Variants in PIGU observed in about 807,000 individuals in gnomAD.
The protein encoded by PIGU is phosphatidylinositol glycan anchor biosynthesis class U.
A neutral mutation model predicts 49.9 loss-of-function variants in PIGU; 24 were observed. The ratio of observed to expected loss-of-function variants is 0.48; its 90% CI spans 0.35 to 0.68. The LOEUF (loss-of-function observed/expected upper bound fraction) is 0.68. Ranked by LOEUF, PIGU falls within the 30% of genes least tolerant of loss-of-function variation. The pLI, the probability that PIGU is intolerant of heterozygous loss-of-function variation, is 0.01. For missense variants in PIGU, 490 were observed against 532.6 expected, an observed-to-expected ratio of 0.92 and a Z score of 0.79; for synonymous variants, 220 against 205.7, an observed-to-expected ratio of 1.07 and a Z score of -0.59.
chr20:34,588,618 G>A lies in PIGU; in HGVS notation c.628-11C>T, dbSNP rs1208670028. ...AGGTATGTACTGCCGCTGGAGAGAAGGCAAAGTGATATAAACTTAGGGATG... is the reference window on the plus strand; with the variant it reads ...AGGTATGTACTGCCGCTGGAGAGAAAGCAAAGTGATATAAACTTAGGGATG... On this transcript the variant is annotated splice_polypyrimidine_tract_variant and intron_variant, in intron 7 of 11. Coordinates refer to ENST00000217446, the MANE Select transcript of PIGU (RefSeq NM_080476.5). 2 of 1,609,112 alleles carry A rather than the reference G, an allele frequency of 1.2e-6. No homozygotes were observed. The highest frequency in any genetic ancestry group is 1.7e-5 in the Admixed American group (1 of 59,300).
At chr20:34,603,861 G>C (rs114523773) in intron 7 of PIGU, among the ~76,000 whole-genome samples, 16 of 143,806 alleles carry the variant, frequency 1.1e-4, no homozygotes, top group Admixed American at 1.4e-4. Context: ...TTAGTGGACA[G>C]ACACACACAC....
At chr20:34,639,379 C>T (rs1019984891) in intron 4 of PIGU, among the ~76,000 whole-genome samples, 5 of 151,824 alleles carry the variant, frequency 3.3e-5, no homozygotes, top group Admixed American at 1.3e-4. Flanking sequence ...CCAGCCTGGG[C>T]GACAGAGCAA....
At chr20:34,625,227 A>G (rs1328292665) in intron 6 of PIGU, among the ~76,000 whole-genome samples, 3 of 151,782 alleles carry the variant, frequency 2.0e-5, no homozygotes, top group South Asian at 4.2e-4. Flanking sequence ...CAAAATTCGG[A>G]TGTGGTGGCG....
chr20:34,634,349 G>C (rs1177441151), intron 6 of PIGU, among the ~76,000 whole-genome samples: 2 of 152,052 alleles, frequency 1.3e-5, no homozygotes, highest in African/African-American at 2.4e-5. Flanking sequence ...TGAGATTACA[G>C]GTATGAGCCA....
intron 7 of PIGU, among the ~76,000 whole-genome samples, chr20:34,603,514 T>A (rs1033230737): frequency 1.3e-5 from 2 of 152,190 alleles, no homozygotes; most frequent in Non-Finnish European, 2.9e-5. Flanking sequence ...TTTAGTAACA[T>A]TATGAGTGCC....
chr20:34,644,051 T>A, intron 4 of PIGU, 113 bp downstream of exon 4: 1 of 972,302 alleles, frequency 1.0e-6, no homozygotes, highest in Non-Finnish European at 1.6e-6. Context: ...AGTTTCACCA[T>A]CACTTCCTAG....
chr20:34,591,807 A>G (rs1327636892), intron 7 of PIGU, among the ~76,000 whole-genome samples: 1 of 152,232 alleles, frequency 6.6e-6, no homozygotes, highest in African/African-American at 2.4e-5. Flanking sequence ...TAGGAGTCAA[A>G]GAGAAATGAT....
At chr20:34,567,555 T>C (rs928971814) in intron 11 of PIGU, among the ~76,000 whole-genome samples, 1 of 151,292 alleles carries the variant, frequency 6.6e-6, no homozygotes, top group African/African-American at 2.4e-5. Flanking sequence ...CCTGGTGCCC[T>C]GGATGCCAGG....
chr20:34,598,871 G>A (rs919414574), intron 7 of PIGU, among the ~76,000 whole-genome samples: 5 of 152,120 alleles, frequency 3.3e-5, no homozygotes, highest in Admixed American at 2.6e-4. Flanking sequence ...TCAGGGTCTC[G>A]CTTTGTTGCC....
intron 1 of PIGU, 134 bp downstream of exon 1, chr20:34,676,822 T>C: frequency 1.6e-6 from 1 of 641,652 alleles, no homozygotes. Context: ...CCCCGCCCTC[T>C]CCAAGAACCC....
intron 6 of PIGU, among the ~76,000 whole-genome samples, chr20:34,624,018 T>C (rs574054536): frequency 2.0e-5 from 3 of 152,254 alleles, no homozygotes; most frequent in Admixed American, 1.3e-4. Context: ...GAGAACCTCA[T>C]TGAAACCTCC....
chr20:34,633,223 G>A (rs962902390), intron 6 of PIGU, among the ~76,000 whole-genome samples: 2 of 152,122 alleles, frequency 1.3e-5, no homozygotes, highest in South Asian at 2.1e-4. Context: ...TGGCACTTTG[G>A]GAGGCCAAGG....
intron 2 of PIGU, among the ~76,000 whole-genome samples, chr20:34,648,608 G>C (rs1986429614): frequency 1.3e-5 from 2 of 152,220 alleles, no homozygotes; most frequent in South Asian, 4.1e-4. Context: ...GAGTGCAGTG[G>C]CACGATCATG....
At chr20:34,590,577 GTAACA>G (rs10544376) in intron 7 of PIGU, among the ~76,000 whole-genome samples, 29,341 of 140,478 alleles carry the variant, frequency 0.21, 3,186 homozygotes, top group Middle Eastern at 0.3. Context: ...ATAGCGTAAC[GTAACA>G]TAACATAACA....
At chr20:34,613,255 C>G (rs1984887696) in intron 7 of PIGU, among the ~76,000 whole-genome samples, 3 of 152,160 alleles carry the variant, frequency 2.0e-5, no homozygotes, top group Non-Finnish European at 4.4e-5. Flanking sequence ...ATCTACCCGA[C>G]AAGCTGCTGC....
At chr20:34,575,337 G>A (rs1417545512) in intron 10 of PIGU, 91 bp from the exon 11 acceptor site, 1 of 1,471,868 alleles carries the variant, frequency 6.8e-7, no homozygotes, top group Non-Finnish European at 9.2e-7. Flanking sequence ...AGAGGCCCAA[G>A]GTGAGCATCA....
chr20:34,644,530 A>C (rs1206622512), intron 3 of PIGU, among the ~76,000 whole-genome samples: 1 of 152,230 alleles, frequency 6.6e-6, no homozygotes, highest in African/African-American at 2.4e-5. Flanking sequence ...ACTGCTTTGC[A>C]TGCCTGATGT....
intron 6 of PIGU, among the ~76,000 whole-genome samples, chr20:34,622,103 G>A (rs570458930): frequency 2.4e-4 from 37 of 152,282 alleles, no homozygotes; most frequent in Non-Finnish European, 4.6e-4. Flanking sequence ...AGGGGCTCCC[G>A]TGGATGCTGG....
At chr20:34,573,903 C>T (rs568611396) in intron 11 of PIGU, among the ~76,000 whole-genome samples, 1 of 152,378 alleles carries the variant, frequency 6.6e-6, no homozygotes, top group East Asian at 1.9e-4. Flanking sequence ...GAACATTAAT[C>T]CTCCAGAAAT....
Sources: gnomAD v4.1 joint callset for allele counts (sites outside exome capture counted in the v4.1 genomes callset) on GRCh38, gnomAD v4.1.1 for gene constraint, MANE v1.5 for transcripts, NCBI Gene and HGNC (gene_info 2026-07-23, HGNC 2026-07-21) for gene names.